GUCY1A2: variants seen among roughly 807,000 people sequenced by gnomAD.
The protein encoded by GUCY1A2 is guanylate cyclase soluble subunit alpha-2.
A neutral mutation model predicts 63.5 loss-of-function variants in GUCY1A2; 27 were observed. The observed-to-expected ratio is 0.43, with a 90% CI of 0.31 to 0.59. The LOEUF is 0.59. Ranked by LOEUF, GUCY1A2 falls within the 20% of genes least tolerant of loss-of-function variation. GUCY1A2 has a pLI of 0.11. For synonymous variants in GUCY1A2, 364 were observed against 343.5 expected (o/e 1.06, Z -0.66); for missense variants, 768 against 913.3 (o/e 0.84, Z 2.05).
At chr11:106,768,113 C>G (rs1230396057) in intron 6 of GUCY1A2, among the ~76,000 whole-genome samples, 2 of 152,098 alleles carry the variant, frequency 1.3e-5, no homozygotes, top group African/African-American at 4.8e-5. Context: ...TAGAATAACA[C>G]TCATTTTTTT....
At chr11:106,923,249 C>T (rs1315905264) in intron 4 of GUCY1A2, among the ~76,000 whole-genome samples, 2 of 152,052 alleles carry the variant, frequency 1.3e-5, no homozygotes, top group Non-Finnish European at 2.9e-5. Context: ...ATAAGCAGTG[C>T]CCTTTAAAAT....
At chr11:106,692,667 G>C (rs1862645073) in intron 7 of GUCY1A2, among the ~76,000 whole-genome samples, 1 of 152,168 alleles carries the variant, frequency 6.6e-6, no homozygotes, top group African/African-American at 2.4e-5. Flanking sequence ...AAAAGGGTCA[G>C]TGAGTTCAGC....
intron 4 of GUCY1A2, among the ~76,000 whole-genome samples, chr11:106,849,649 TATAA>T (rs1227285646): frequency 6.6e-6 from 1 of 151,690 alleles, no homozygotes; most frequent in African/African-American, 2.4e-5. Flanking sequence ...GCTCTGTTTG[TATAA>T]ATGTTTCATA....
At chr11:106,823,321 G>A (rs1053598882) in intron 4 of GUCY1A2, among the ~76,000 whole-genome samples, 3 of 152,038 alleles carry the variant, frequency 2.0e-5, no homozygotes, top group African/African-American at 4.8e-5. Flanking sequence ...GTTTAGTGCA[G>A]ACTTATAAGT....
intron 5 of GUCY1A2, among the ~76,000 whole-genome samples, chr11:106,806,999 C>T (rs998240697): frequency 2.6e-5 from 4 of 152,138 alleles, no homozygotes; most frequent in African/African-American, 9.7e-5. Context: ...TATCTCATGT[C>T]GTAGCACACT....
chr11:106,909,175 TTTTTA>T (rs1332173206), intron 4 of GUCY1A2, among the ~76,000 whole-genome samples: 1 of 151,874 alleles, frequency 6.6e-6, no homozygotes, highest in African/African-American at 2.4e-5. Flanking sequence ...TTAATCAAAC[TTTTTA>T]TTTTGAGATA....
intron 3 of GUCY1A2, among the ~76,000 whole-genome samples, chr11:106,947,218 C>CA (rs35132742): frequency 0.026 from 2,959 of 113,158 alleles, 85 homozygotes; most frequent in African/African-American, 0.089. Context: ...CTCCATCTCA[C>CA]AAAAAAAAAA....
chr11:106,716,088 G>A (rs1191727603), intron 6 of GUCY1A2, among the ~76,000 whole-genome samples: 1 of 152,140 alleles, frequency 6.6e-6, no homozygotes, highest in Non-Finnish European at 1.5e-5. Context: ...TCCAGGTAAA[G>A]TGAAAATAAT....
intron 3 of GUCY1A2, among the ~76,000 whole-genome samples, chr11:106,955,056 G>A (rs961735619): frequency 1.3e-5 from 2 of 151,480 alleles, no homozygotes; most frequent in Non-Finnish European, 2.9e-5. Context: ...TCGGCTCACC[G>A]CAACCTCCCA....
chr11:106,859,025 A>T (rs1400222889), intron 4 of GUCY1A2, among the ~76,000 whole-genome samples: 2 of 152,070 alleles, frequency 1.3e-5, no homozygotes, highest in Non-Finnish European at 2.9e-5. Context: ...GAAAACTGTA[A>T]ATTAAAATTA....
intron 5 of GUCY1A2, among the ~76,000 whole-genome samples, chr11:106,783,477 C>G (rs1383434862): frequency 6.6e-6 from 1 of 152,136 alleles, no homozygotes; most frequent in Non-Finnish European, 1.5e-5. Flanking sequence ...GGCTTTCCCT[C>G]CACATGACAG....
intron 5 of GUCY1A2, among the ~76,000 whole-genome samples, chr11:106,788,303 G>T (rs941125062): frequency 6.6e-6 from 1 of 151,830 alleles, no homozygotes; most frequent in South Asian, 2.1e-4. Context: ...TTGTTAGATG[G>T]GTAGTTTGCA....
In GUCY1A2 at chr11:106,674,775, C is replaced by G. The variant is rs1862317600; in HGVS notation, c.*12774G>C. The G allele has an allele frequency of 4.8e-6, 1 of 210,258 alleles. No individual in the cohort carries two copies. Among genetic ancestry groups the G allele is most frequent in the Non-Finnish European group, 9.6e-6 (1 of 103,674 alleles). The allele number at this position is 210,258 out of a possible 1,614,324, so 13.0% of individuals were successfully genotyped here. ...TGCAAACCAAACCAAAAATTTAGAC[C>G]CATGAAATTGCAGCAAACAAATTAG... is the stretch of plus-strand genomic sequence containing the variant. On this transcript the variant is annotated 3_prime_UTR_variant, in exon 8 of 8. Coordinates refer to ENST00000526355, the MANE Select transcript of GUCY1A2 (RefSeq NM_000855.3).
At chr11:106,951,331 T>A (rs1860905914) in intron 3 of GUCY1A2, among the ~76,000 whole-genome samples, 1 of 152,242 alleles carries the variant, frequency 6.6e-6, no homozygotes. Flanking sequence ...TCTTCCACAA[T>A]GGTTGAACTA....
intron 4 of GUCY1A2, among the ~76,000 whole-genome samples, chr11:106,926,951 T>C (rs561427283): frequency 6.6e-6 from 1 of 150,376 alleles, no homozygotes; most frequent in Non-Finnish European, 1.5e-5. Context: ...CAGAAGGGAA[T>C]GGACAATTGT....
chr11:106,852,800 A>G (rs907914168), intron 4 of GUCY1A2, among the ~76,000 whole-genome samples: 7 of 152,060 alleles, frequency 4.6e-5, no homozygotes. Context: ...CTTTTGGCAT[A>G]AGGGTAATGT....
At chr11:106,859,869 C>T (rs1859485552) in intron 4 of GUCY1A2, among the ~76,000 whole-genome samples, 1 of 151,880 alleles carries the variant, frequency 6.6e-6, no homozygotes, top group South Asian at 2.1e-4. Context: ...CCTAGGTGTG[C>T]AGTAGGCTCT....
chr11:106,987,432 C>T (rs1055549559), intron 1 of GUCY1A2, among the ~76,000 whole-genome samples: 3 of 152,210 alleles, frequency 2.0e-5, no homozygotes, highest in African/African-American at 7.2e-5. Flanking sequence ...ACGTGGATCA[C>T]TTGAGGTCAG....
intron 4 of GUCY1A2, chr11:106,824,725 T>G: frequency 7.4e-7 from 1 of 1,354,100 alleles, no homozygotes; most frequent in Non-Finnish European, 9.9e-7. Context: ...AAGAATATTT[T>G]GAAATATTTA....
Sources: allele counts gnomAD v4.1 joint callset (sites outside exome capture counted in the v4.1 genomes callset), GRCh38; gene constraint gnomAD v4.1.1; transcripts MANE v1.5; gene names NCBI Gene and HGNC (gene_info 2026-07-23, HGNC 2026-07-21).